Variants in RBFOX1 observed in about 807,000 individuals in gnomAD.
The protein encoded by RBFOX1 is RNA binding protein fox-1 homolog 1.
RBFOX1 carries 8 observed loss-of-function variants against 57.7 expected under a neutral mutation model. The ratio of observed to expected loss-of-function variants is 0.14; its 90% CI spans 0.08 to 0.25. The LOEUF is 0.25. Among genes scored for constraint, RBFOX1 ranks in the 10% least tolerant of loss-of-function variants. The probability of loss-of-function intolerance (pLI) is 1.00; values close to 1 mark genes in which losing one functional copy is unlikely to be tolerated. For missense variants in RBFOX1, 611 were observed against 548.5 expected (o/e 1.11, Z -1.14); for synonymous variants, 326 against 222.4 (o/e 1.47, Z -4.15).
chr16:6,594,343 C>T (rs1428551758), intron 2 of RBFOX1, among the ~76,000 whole-genome samples: 1 of 152,164 alleles, frequency 6.6e-6, no homozygotes, highest in African/African-American at 2.4e-5. Context: ...TTTAACCTAT[C>T]CTTACCAATG....
intron 3 of RBFOX1, among the ~76,000 whole-genome samples, chr16:5,726,601 G>T (rs1596987846): frequency 6.6e-6 from 1 of 152,158 alleles, no homozygotes; most frequent in African/African-American, 2.4e-5. Context: ...GGAATCTGCT[G>T]CTTCTCACCT....
intron 3 of RBFOX1, among the ~76,000 whole-genome samples, chr16:6,951,546 T>C (rs1167122971): frequency 6.6e-6 from 1 of 152,066 alleles, no homozygotes; most frequent in African/African-American, 2.4e-5. Context: ...GGAGCAGGAA[T>C]ATTGGGGACT....
chr16:5,662,919 G>A lies in RBFOX1; in HGVS notation c.318+63958G>A, dbSNP rs117464303. On this transcript the variant is annotated intron_variant, in intron 3 of 19. Coordinates refer to the RBFOX1 transcript ENST00000641259. ...ATAAAGAGCATATATCATGTAGCTG[G>A]GATAGTGCTTAACACATAGTAGACG... is the stretch of plus-strand genomic sequence containing the variant. Among the ~76,000 whole-genome samples the A allele has an allele frequency of 7.7e-4, 118 of 152,276 alleles. 1 individual carries two copies. The highest frequency in any genetic ancestry group is 1.3e-3 in the Non-Finnish European group (91 of 68,026).
chr16:6,742,546 G>T (rs1203788565), intron 3 of RBFOX1, among the ~76,000 whole-genome samples: 1 of 152,142 alleles, frequency 6.6e-6, no homozygotes, highest in Non-Finnish European at 1.5e-5. Context: ...ATTATTGTCA[G>T]CAGTTTTATT....
At chr16:5,714,670 C>G (rs2051621480) in intron 3 of RBFOX1, among the ~76,000 whole-genome samples, 1 of 152,134 alleles carries the variant, frequency 6.6e-6, no homozygotes, top group African/African-American at 2.4e-5. Flanking sequence ...GTCATCTCTG[C>G]AAGAGTATAA....
intron 4 of RBFOX1, among the ~76,000 whole-genome samples, chr16:7,450,492 G>C (rs775199429): frequency 6.6e-6 from 1 of 151,306 alleles, no homozygotes; most frequent in Non-Finnish European, 1.5e-5. Context: ...ATGTTAACTC[G>C]TAAGGATTTG....
chr16:7,267,836 A>G (rs9939745), intron 4 of RBFOX1, among the ~76,000 whole-genome samples: 34 of 152,210 alleles, frequency 2.2e-4, no homozygotes, highest in African/African-American at 8.0e-4. Context: ...AGCCGGGGCA[A>G]CAGAGTGAGA....
At chr16:7,051,303 C>T (rs562709394) in intron 3 of RBFOX1, among the ~76,000 whole-genome samples, 22 of 152,318 alleles carry the variant, frequency 1.4e-4, no homozygotes, top group South Asian at 6.2e-4. Flanking sequence ...TCATGTAATA[C>T]GACTCCACCC....
intron 4 of RBFOX1, among the ~76,000 whole-genome samples, chr16:7,191,108 C>G (rs911908817): frequency 6.6e-6 from 1 of 151,934 alleles, no homozygotes; most frequent in Non-Finnish European, 1.5e-5. Flanking sequence ...GATTCCTAAC[C>G]CAGAGGAAAA....
At chr16:5,599,074 A>T in exon 3 of RBFOX1, 1 of 982,232 alleles carries the variant, frequency 1.0e-6, no homozygotes, top group Non-Finnish European at 1.6e-6. Context: ...CCTGAAACTG[A>T]TCTTGCTGGA....
intron 4 of RBFOX1, among the ~76,000 whole-genome samples, chr16:7,171,537 G>T (rs889515879): frequency 6.6e-6 from 1 of 152,168 alleles, no homozygotes; most frequent in East Asian, 1.9e-4. Context: ...AGCACAAGGG[G>T]TAAAACTGTG....
At chr16:5,624,796 C>G (rs932509077) in intron 3 of RBFOX1, among the ~76,000 whole-genome samples, 6 of 152,208 alleles carry the variant, frequency 3.9e-5, no homozygotes, top group Non-Finnish European at 1.5e-5. Flanking sequence ...ATGCTGAGTG[C>G]CAGGTGGCAT....
At chr16:5,987,133 A>C (rs1417950379) in intron 4 of RBFOX1, among the ~76,000 whole-genome samples, 1 of 152,184 alleles carries the variant, frequency 6.6e-6, no homozygotes, top group Non-Finnish European at 1.5e-5. Flanking sequence ...AATGATGTCG[A>C]ATACGTTCTT....
At chr16:6,992,355 C>A (rs1000170165) in intron 3 of RBFOX1, among the ~76,000 whole-genome samples, 4 of 151,952 alleles carry the variant, frequency 2.6e-5, no homozygotes, top group African/African-American at 7.3e-5. Flanking sequence ...GTAGCTGGGA[C>A]TACAGGTACC....
chr16:6,904,788 T>TA (rs1252641973), intron 3 of RBFOX1, among the ~76,000 whole-genome samples: 2 of 152,086 alleles, frequency 1.3e-5, no homozygotes, highest in African/African-American at 4.8e-5. Flanking sequence ...CTACTTGTGT[T>TA]ACACAAAGCT....
intron 3 of RBFOX1, among the ~76,000 whole-genome samples, chr16:5,741,765 G>C (rs910542820): frequency 5.3e-5 from 8 of 152,170 alleles, no homozygotes; most frequent in African/African-American, 1.9e-4. Flanking sequence ...TATATTTAAA[G>C]TGAAACTTTG....
intron 3 of RBFOX1, among the ~76,000 whole-genome samples, chr16:6,747,303 A>T (rs565129378): frequency 6.6e-6 from 1 of 152,198 alleles, no homozygotes; most frequent in Non-Finnish European, 1.5e-5. Context: ...GCTACTCAAG[A>T]GGCTGAGGCA....
At chr16:7,282,054 A>G (rs1378826100) in intron 4 of RBFOX1, among the ~76,000 whole-genome samples, 1 of 151,730 alleles carries the variant, frequency 6.6e-6, no homozygotes, top group African/African-American at 2.4e-5. Flanking sequence ...TTTTTTGTAG[A>G]GACAGGGTTT....
intron 2 of RBFOX1, among the ~76,000 whole-genome samples, chr16:6,427,891 G>A (rs1281607545): frequency 6.6e-6 from 1 of 152,032 alleles, no homozygotes; most frequent in African/African-American, 2.4e-5. Context: ...ATCACACCCT[G>A]GTCCTCAGTT....
Sources: gnomAD v4.1 joint callset for allele counts (sites outside exome capture counted in the v4.1 genomes callset) on GRCh38, gnomAD v4.1.1 for gene constraint, MANE v1.5 for transcripts, NCBI Gene and HGNC (gene_info 2026-07-23, HGNC 2026-07-21) for gene names.